The following SMAD3 variants were observed in gnomAD, a reference collection of about 807,000 sequenced individuals.
The protein encoded by SMAD3 is SMAD family member 3, also known as MAD homolog 3.
In SMAD3, 12 loss-of-function variants were observed where a neutral mutation model predicts 51.8. That is an observed-to-expected ratio of 0.23 (90% confidence interval 0.15 to 0.38). SMAD3 has a LOEUF of 0.38. Ranked by LOEUF, SMAD3 falls within the 10% of genes least tolerant of loss-of-function variation. The pLI, the probability that SMAD3 is intolerant of heterozygous loss-of-function variation, is 1.00. For synonymous variants in SMAD3, 238 were observed against 227.7 expected, an observed-to-expected ratio of 1.05 and a Z score of -0.41; for missense variants, 294 against 565.6, an observed-to-expected ratio of 0.52 and a Z score of 4.87.
intron 1 of SMAD3, among the ~76,000 whole-genome samples, chr15:67,068,533 A>G (rs1465061487): frequency 1.3e-5 from 2 of 152,110 alleles, no homozygotes; most frequent in African/African-American, 2.4e-5. Context: ...AACGCTTTGG[A>G]TGATTCTGAG....
intron 1 of SMAD3, among the ~76,000 whole-genome samples, chr15:67,090,782 A>G (rs1247431243): frequency 6.6e-6 from 1 of 152,138 alleles, no homozygotes; most frequent in Admixed American, 6.5e-5. Flanking sequence ...GATTTAAATC[A>G]GCTTTGACTT....
rs1270739064 is a variant in SMAD3 at position 67,165,366 on chromosome 15, C to T, written c.514C>T (p.Pro172Ser). The T allele has an allele frequency of 1.2e-6, 2 of 1,614,076 alleles. No individual in the cohort carries two copies. Among genetic ancestry groups the T allele is most frequent in the African/African-American group, 2.7e-5 (2 of 74,936 alleles). Residue 172 changes from proline to serine, a missense_variant, in exon 3 of 9, where the codon CCC (proline) becomes TCC (serine). Coordinates refer to ENST00000327367, the MANE Select transcript of SMAD3 (RefSeq NM_005902.4). Reference protein sequence around the residue: ...ENTNFPAGIEPQSNIPETPPP... With the variant: ...ENTNFPAGIESQSNIPETPPP... ...CACTAACTTCCCCGCAGGCATCGAG[C>T]CCCAGAGCAATATTCCAGGTAGGCA...
chr15:67,170,623 A>G lies in SMAD3; in HGVS notation c.658+19A>G. Reference sequence around the variant, plus strand: ...AACTTGGGTGAGTATCTCCTTGTGCACACAACTGGAACCCCCTCTAGCTGC... The same window carrying G: ...AACTTGGGTGAGTATCTCCTTGTGCGCACAACTGGAACCCCCTCTAGCTGC... On this transcript the variant is annotated intron_variant, in intron 5 of 8. Transcript: ENST00000327367. 6.2e-7 allele frequency: 1 copy of G among 1,610,064 alleles called. No individual in the cohort carries two copies. The highest frequency in any genetic ancestry group is 1.3e-5 in the African/African-American group (1 of 74,972).
intron 1 of SMAD3, among the ~76,000 whole-genome samples, chr15:67,152,451 A>G (rs1196028735): frequency 6.6e-6 from 1 of 152,192 alleles, no homozygotes; most frequent in African/African-American, 2.4e-5. Context: ...GGGTCTAAAC[A>G]CACCTGGCTT....
intron 5 of SMAD3, among the ~76,000 whole-genome samples, chr15:67,174,094 G>T (rs1962825089): frequency 1.3e-5 from 2 of 152,234 alleles, no homozygotes; most frequent in Admixed American, 1.3e-4. Flanking sequence ...GAAGGGGTTT[G>T]GTGGTTGAAT....
At chr15:67,101,484 C>T (rs573396592) in intron 1 of SMAD3, among the ~76,000 whole-genome samples, 3 of 152,284 alleles carry the variant, frequency 2.0e-5, no homozygotes, top group Non-Finnish European at 4.4e-5. Context: ...GTAGGCCTGC[C>T]TGCTCTCTGA....
At chr15:67,170,405 A>G in intron 4 of SMAD3, 149 bp from the exon 5 acceptor site, 2 of 700,622 alleles carry the variant, frequency 2.9e-6, no homozygotes. Context: ...AGGCAAGGGT[A>G]TGGGCTAGGC....
At chr15:67,123,764 T>G (rs1961322566) in intron 1 of SMAD3, among the ~76,000 whole-genome samples, 2 of 152,192 alleles carry the variant, frequency 1.3e-5, no homozygotes, top group Non-Finnish European at 2.9e-5. Flanking sequence ...CTGCAACCCT[T>G]TGCCTTCTTT....
intron 1 of SMAD3, among the ~76,000 whole-genome samples, chr15:67,137,355 C>A (rs527254761): frequency 3.3e-5 from 5 of 152,148 alleles, no homozygotes; most frequent in Non-Finnish European, 5.9e-5. Context: ...TCTTCCTTTT[C>A]GCTTTTTTAA....
intron 1 of SMAD3, among the ~76,000 whole-genome samples, chr15:67,124,435 G>A (rs1452315306): frequency 8.4e-6 from 1 of 119,228 alleles, no homozygotes; most frequent in Non-Finnish European, 1.7e-5. Flanking sequence ...GAGGCTGGAG[G>A]ATTGTCAGTC....
At chr15:67,087,266 A>G (rs1960413948) in intron 1 of SMAD3, among the ~76,000 whole-genome samples, 1 of 152,108 alleles carries the variant, frequency 6.6e-6, no homozygotes, top group Non-Finnish European at 1.5e-5. Flanking sequence ...GAATGACTTC[A>G]TGTTCTTGCT....
At position 67,096,339 on chromosome 15, in the gene SMAD3, T is replaced by C. The variant is rs190468739; in HGVS notation, c.206+29979T>C. Among the ~76,000 whole-genome samples the C allele has an allele frequency of 2.0e-5, 3 of 152,322 alleles. No homozygotes were observed. The East Asian group carries it at 5.8e-4, about 29-fold the overall frequency. On this transcript the variant is annotated intron_variant, in intron 1 of 8. Transcript: ENST00000327367. ...GTGAAGTAAAAACGATTGAGTTAGC[T>C]TTATGGATGTTTCTCTGGTTCTGGT... is the stretch of plus-strand genomic sequence containing the variant.
intron 1 of SMAD3, among the ~76,000 whole-genome samples, chr15:67,129,895 A>C (rs181797765): frequency 6.6e-6 from 1 of 152,326 alleles, no homozygotes; most frequent in East Asian, 1.9e-4. Flanking sequence ...AAGTGCTGCC[A>C]TGTGGCTGGT....
At chr15:67,092,567 G>T (rs771539046) in intron 1 of SMAD3, among the ~76,000 whole-genome samples, 10 of 152,166 alleles carry the variant, frequency 6.6e-5, no homozygotes, top group Non-Finnish European at 1.2e-4. Flanking sequence ...GAGGGCTGCT[G>T]ATGTGCATTT....
chr15:67,180,427 C>T (rs530071708), intron 5 of SMAD3, among the ~76,000 whole-genome samples: 10 of 151,764 alleles, frequency 6.6e-5, no homozygotes, highest in Non-Finnish European at 1.3e-4. Context: ...GAACCAGCCC[C>T]TTGTAGAATG....
chr15:67,111,623 A>T (rs753912616), intron 1 of SMAD3, among the ~76,000 whole-genome samples: 8 of 152,318 alleles, frequency 5.3e-5, no homozygotes, highest in Admixed American at 1.3e-4. Context: ...CCACCAATGT[A>T]TGAGGGTTCC....
At position 67,098,171 on chromosome 15, in the gene SMAD3, C is replaced by CT. The variant is rs1960655900; in HGVS notation, c.206+31814dup. ...CTAACACGGTGAGTCTTCAGTGTTTCTTTAAGTGCTGCTCACTACTGTCCT... is the reference window on the plus strand; with the variant it reads ...CTAACACGGTGAGTCTTCAGTGTTTCTTTTAAGTGCTGCTCACTACTGTCCT... On this transcript the variant is annotated intron_variant, in intron 1 of 8. Coordinates refer to ENST00000327367, the MANE Select transcript of SMAD3 (RefSeq NM_005902.4). Among the ~76,000 whole-genome samples, 7 of 152,236 alleles carry CT rather than the reference C, an allele frequency of 4.6e-5. No individual in the cohort carries two copies. The South Asian group carries it at 1.5e-3, about 32-fold the overall frequency.
At chr15:67,163,654 A>G (rs1962489998) in intron 1 of SMAD3, among the ~76,000 whole-genome samples, 1 of 152,118 alleles carries the variant, frequency 6.6e-6, no homozygotes, top group African/African-American at 2.4e-5. Context: ...ATTTTTAACA[A>G]ACTTCCCTGA....
At chr15:67,083,418 G>T (rs189937166) in intron 1 of SMAD3, among the ~76,000 whole-genome samples, 1 of 152,228 alleles carries the variant, frequency 6.6e-6, no homozygotes, top group South Asian at 2.1e-4. Context: ...AGTGGTTACC[G>T]TTAGGAGGAG....
Sources: allele counts gnomAD v4.1 joint callset (sites outside exome capture counted in the v4.1 genomes callset), GRCh38; gene constraint gnomAD v4.1.1; transcripts MANE v1.5; gene names NCBI Gene and HGNC (gene_info 2026-07-23, HGNC 2026-07-21).